The following RASGRF2 variants were observed in gnomAD, a reference collection of about 807,000 sequenced individuals.
RASGRF2 encodes ras-specific guanine nucleotide-releasing factor 2.
RASGRF2 carries 76 observed loss-of-function variants against 151.0 expected under a neutral mutation model. The observed-to-expected ratio is 0.50, with a 90% confidence interval of 0.42 to 0.61. RASGRF2 has a LOEUF of 0.61. Ranked by LOEUF, RASGRF2 falls within the 20% of genes least tolerant of loss-of-function variation. RASGRF2 has a pLI of 0.00. For missense variants in RASGRF2, 1,148 were observed against 1,564.6 expected, an observed-to-expected ratio of 0.73 and a Z score of 4.49; for synonymous variants, 504 against 566.5, an observed-to-expected ratio of 0.89 and a Z score of 1.57.
chr5:81,030,081 A>G (rs1371527123), intron 1 of RASGRF2, among the ~76,000 whole-genome samples: 1 of 151,954 alleles, frequency 6.6e-6, no homozygotes, highest in Non-Finnish European at 1.5e-5. Flanking sequence ...AATGAAATGA[A>G]GTGAGAAGAG....
intron 1 of RASGRF2, among the ~76,000 whole-genome samples, chr5:80,973,095 A>G (rs1433304301): frequency 6.6e-6 from 1 of 152,188 alleles, no homozygotes; most frequent in Non-Finnish European, 1.5e-5. Flanking sequence ...TTATCTGTCC[A>G]TGAAATGAAT....
At chr5:81,200,998 G>T (rs1487989495) in intron 18 of RASGRF2, among the ~76,000 whole-genome samples, 5 of 152,146 alleles carry the variant, frequency 3.3e-5, no homozygotes, top group Admixed American at 3.3e-4. Context: ...CAAGCAGTGT[G>T]AGAGAAGAGG....
At chr5:81,013,763 C>G (rs1193845058) in intron 1 of RASGRF2, among the ~76,000 whole-genome samples, 1 of 151,936 alleles carries the variant, frequency 6.6e-6, no homozygotes, top group African/African-American at 2.4e-5. Flanking sequence ...ATTTAAAATT[C>G]TAATAGATAT....
At chr5:81,032,625 G>A (rs942282666) in intron 1 of RASGRF2, among the ~76,000 whole-genome samples, 1 of 151,970 alleles carries the variant, frequency 6.6e-6, no homozygotes, top group African/African-American at 2.4e-5. Flanking sequence ...CTCAATAAAC[G>A]AGGTATTGAT....
intron 6 of RASGRF2, 27 bp downstream of exon 6, chr5:81,080,227 A>T (rs1486392890): frequency 4.4e-6 from 7 of 1,582,170 alleles, no homozygotes; most frequent in Non-Finnish European, 6.0e-6. Flanking sequence ...AAGGTGTAAG[A>T]TTTTCTTTTA....
chr5:81,203,581 T>C (rs1470997010), intron 19 of RASGRF2, among the ~76,000 whole-genome samples: 1 of 152,238 alleles, frequency 6.6e-6, no homozygotes, highest in Non-Finnish European at 1.5e-5. Flanking sequence ...ACAGAAATTT[T>C]AGTAGGCAGT....
At chr5:81,070,743 A>G (rs999884277) in intron 4 of RASGRF2, among the ~76,000 whole-genome samples, 162 bp downstream of exon 4, 9 of 152,006 alleles carry the variant, frequency 5.9e-5, no homozygotes, top group African/African-American at 2.2e-4. Flanking sequence ...TGGCTACTCT[A>G]GAGAATTTCT....
chr5:81,025,067 C>T (rs1199332443), intron 1 of RASGRF2, among the ~76,000 whole-genome samples: 2 of 152,196 alleles, frequency 1.3e-5, no homozygotes, highest in Non-Finnish European at 2.9e-5. Flanking sequence ...AGAAGCAGGA[C>T]ATGCATCTCC....
At chr5:81,098,710 G>A (rs1447950113) in intron 12 of RASGRF2, among the ~76,000 whole-genome samples, 3 of 152,180 alleles carry the variant, frequency 2.0e-5, no homozygotes, top group Admixed American at 6.5e-5. Context: ...GTGGGTAGGT[G>A]GTAGGGACAG....
chr5:81,113,421 C>A, intron 14 of RASGRF2, 117 bp from the exon 15 acceptor site: 1 of 1,222,132 alleles, frequency 8.2e-7, no homozygotes, highest in Non-Finnish European at 1.1e-6. Flanking sequence ...GGAAGTCCAG[C>A]AATAGAAGTG....
chr5:81,021,642 C>T (rs116369586), intron 1 of RASGRF2, among the ~76,000 whole-genome samples: 2,717 of 152,152 alleles, frequency 0.018, 86 homozygotes, highest in African/African-American at 0.059. Flanking sequence ...TTGCTCTGCT[C>T]AGCCTTGGCC....
intron 17 of RASGRF2, among the ~76,000 whole-genome samples, chr5:81,139,283 G>C (rs1283084935): frequency 6.6e-6 from 1 of 151,874 alleles, no homozygotes; most frequent in Admixed American, 6.6e-5. Flanking sequence ...AGTTCTACTA[G>C]GTTTGTTTTC....
intron 1 of RASGRF2, among the ~76,000 whole-genome samples, chr5:80,994,481 G>A (rs1004022004): frequency 6.6e-6 from 1 of 151,890 alleles, no homozygotes; most frequent in African/African-American, 2.4e-5. Context: ...TCAAGTCTTT[G>A]TTGTCCTAGT....
intron 1 of RASGRF2, among the ~76,000 whole-genome samples, chr5:81,018,744 T>A (rs1334203296): frequency 6.6e-6 from 1 of 151,840 alleles, no homozygotes; most frequent in Non-Finnish European, 1.5e-5. Flanking sequence ...CATACTTTTT[T>A]ACTGCTTTTG....
intron 19 of RASGRF2, among the ~76,000 whole-genome samples, chr5:81,202,512 C>T: frequency 6.6e-6 from 1 of 152,174 alleles, no homozygotes; most frequent in East Asian, 1.9e-4. Context: ...TTCTTAGCCC[C>T]CATTAGCTGA....
At chr5:81,063,023 A>G (rs1190480632) in intron 2 of RASGRF2, among the ~76,000 whole-genome samples, 1 of 149,362 alleles carries the variant, frequency 6.7e-6, no homozygotes, top group Non-Finnish European at 1.5e-5. Context: ...CAAGTTAATG[A>G]TGAAAAGTAT....
chr5:81,009,929 C>T (rs13179550), intron 1 of RASGRF2, among the ~76,000 whole-genome samples: 30,855 of 151,950 alleles, frequency 0.2, 3,192 homozygotes, highest in Admixed American at 0.24. Context: ...GAGGCAGAGG[C>T]GGGCGGATCA....
intron 25 of RASGRF2, 98 bp downstream of exon 25, chr5:81,217,571 CTTCTTTTTT>C (rs1176459396): frequency 2.8e-5 from 10 of 360,650 alleles, no homozygotes; most frequent in Non-Finnish European, 3.2e-5. Context: ...TTTTTTTTCT[CTTCTTTTTT>C]TTTTTTTTTT....
chr5:81,180,053 C>A, intron 17 of RASGRF2, 122 bp from the exon 18 acceptor site: 1 of 637,312 alleles, frequency 1.6e-6, no homozygotes. Context: ...CCACGCGCAC[C>A]TCTCTGCCAA....
Sources: gnomAD v4.1 joint callset for allele counts (sites outside exome capture counted in the v4.1 genomes callset) on GRCh38, gnomAD v4.1.1 for gene constraint, MANE v1.5 for transcripts, NCBI Gene and HGNC (gene_info 2026-07-23, HGNC 2026-07-21) for gene names.